CEP112: variants seen among roughly 807,000 people sequenced by gnomAD.
CEP112 encodes centrosomal protein of 112 kDa.
Under a neutral mutation model 153.0 loss-of-function variants are expected in CEP112, and 127 were observed. That is an observed-to-expected ratio of 0.83 (90% CI 0.72 to 0.96). The LOEUF (loss-of-function observed/expected upper bound fraction) is 0.96. Ranked by LOEUF, CEP112 falls within the 40% of genes least tolerant of loss-of-function variation. The pLI is 0.00. For synonymous variants in CEP112, 358 were observed against 374.4 expected (o/e 0.96, Z 0.51); for missense variants, 1,089 against 1,101.2 (o/e 0.99, Z 0.16).
intron 17 of CEP112, among the ~76,000 whole-genome samples, chr17:65,972,435 A>G (rs2062876170): frequency 6.6e-6 from 1 of 152,236 alleles, no homozygotes; most frequent in African/African-American, 2.4e-5. Flanking sequence ...TTTGTATTAG[A>G]AAATAATATA....
chr17:65,733,311 G>C lies in CEP112; in HGVS notation c.2607+9757C>G, dbSNP rs1405368282. Among the ~76,000 whole-genome samples the C allele has an allele frequency of 5.9e-5, 9 of 152,046 alleles. No individual in the cohort carries two copies. In the East Asian group the frequency reaches 1.7e-3, roughly 29 times the overall value. On this transcript the variant is annotated intron_variant, in intron 23 of 26. Transcript: ENST00000535342. ...CCAAAACAATGACAATAGTAACATC[G>C]AAGATCACTGATAACAGATCACCAT... is the stretch of plus-strand genomic sequence containing the variant.
intron 16 of CEP112, 92 bp from the exon 17 acceptor site, chr17:66,005,861 C>T (rs1250299927): frequency 1.9e-6 from 2 of 1,065,022 alleles, no homozygotes; most frequent in Non-Finnish European, 2.6e-6. Context: ...ATCACAAATC[C>T]ATTTTTAATA....
In CEP112 at chr17:65,728,361, T is replaced by A. The variant is rs981137733; in HGVS notation, c.2607+14707A>T. On this transcript the variant is annotated intron_variant, in intron 23 of 26. Transcript: ENST00000535342. ...ACAAAAGGGACTTTAAGAGAATAGATGGAAGAGTTGAATCATATACACATC... is the reference window on the plus strand; with the variant it reads ...ACAAAAGGGACTTTAAGAGAATAGAAGGAAGAGTTGAATCATATACACATC... Among the ~76,000 whole-genome samples, 7 of 152,150 alleles carry A rather than the reference T, an allele frequency of 4.6e-5. 1 individual carries two copies. The South Asian group carries it at 8.3e-4, about 18-fold the overall frequency.
At chr17:66,004,317 T>TA (rs993608716) in intron 17 of CEP112, among the ~76,000 whole-genome samples, 8 of 151,566 alleles carry the variant, frequency 5.3e-5, no homozygotes, top group Admixed American at 2.6e-4. Context: ...CAGTCTCTAC[T>TA]AAAAAAAATA....
chr17:65,644,343 TG>T, intron 24 of CEP112: 1 of 562,222 alleles, frequency 1.8e-6, no homozygotes, highest in Non-Finnish European at 3.2e-6. Context: ...TGAAGCCCAA[TG>T]GTGAGAAGCC....
intron 24 of CEP112, chr17:65,655,540 G>T: frequency 7.5e-6 from 4 of 534,198 alleles, no homozygotes; most frequent in Non-Finnish European, 1.3e-5. Context: ...GGAAAGTAAT[G>T]GATTTTCATT....
At chr17:65,725,089 G>A (rs1038732903) in intron 23 of CEP112, among the ~76,000 whole-genome samples, 2 of 152,100 alleles carry the variant, frequency 1.3e-5, no homozygotes, top group Non-Finnish European at 2.9e-5. Flanking sequence ...TACTTCAAGT[G>A]GTTTAATATG....
Position 65,682,039 on chromosome 17 carries a change from G to T in CEP112, c.2697+7090C>A, listed in dbSNP as rs563867727. On this transcript the variant is annotated intron_variant, in intron 24 of 26. Coordinates refer to ENST00000535342, the MANE Select transcript of CEP112 (RefSeq NM_001199165.4). Reference sequence around the variant, plus strand: ...GATGGAGTCTCACTCTGTCACACAGGCTGGAGTGCAGTGGTGTGATCTCAG... The same window carrying T: ...GATGGAGTCTCACTCTGTCACACAGTCTGGAGTGCAGTGGTGTGATCTCAG... 7.9e-4 allele frequency among the ~76,000 whole-genome samples: 120 copies of T among 151,900 alleles called. No individual in the cohort carries two copies. In the Middle Eastern group the frequency reaches 0.024, roughly 30 times the overall value.
chr17:65,780,875 A>G (rs2053957429), intron 21 of CEP112, among the ~76,000 whole-genome samples: 2 of 152,128 alleles, frequency 1.3e-5, no homozygotes, highest in African/African-American at 4.8e-5. Context: ...TAGGCATTAG[A>G]TGCCCCAATT....
intron 24 of CEP112, among the ~76,000 whole-genome samples, 167 bp from the exon 25 acceptor site, chr17:65,641,232 G>C (rs1043491086): frequency 1.3e-5 from 2 of 152,114 alleles, no homozygotes; most frequent in Admixed American, 6.5e-5. Context: ...AACTGAAAAG[G>C]CTACCCAGTC....
At chr17:65,842,144 G>GGAATACA (rs2057543093) in intron 21 of CEP112, among the ~76,000 whole-genome samples, 1 of 151,726 alleles carries the variant, frequency 6.6e-6, no homozygotes, top group South Asian at 2.1e-4. Flanking sequence ...TAACCTCTGA[G>GGAATACA]GAATACAGAA....
At chr17:65,818,692 A>G (rs1295748134) in intron 21 of CEP112, among the ~76,000 whole-genome samples, 1 of 152,030 alleles carries the variant, frequency 6.6e-6, no homozygotes, top group East Asian at 1.9e-4. Flanking sequence ...AAAATACTCT[A>G]TAACAGGGTT....
At chr17:66,131,590 A>C (rs563312093) in intron 5 of CEP112, among the ~76,000 whole-genome samples, 1 of 151,916 alleles carries the variant, frequency 6.6e-6, no homozygotes, top group African/African-American at 2.4e-5. Flanking sequence ...AAATACAAAA[A>C]ATTAGCCAGG....
intron 23 of CEP112, among the ~76,000 whole-genome samples, chr17:65,722,046 T>C (rs571724183): frequency 3.3e-5 from 5 of 152,194 alleles, no homozygotes; most frequent in African/African-American, 1.2e-4. Context: ...AAAGTAAAAG[T>C]AGTGTTTTCA....
intron 8 of CEP112, among the ~76,000 whole-genome samples, chr17:66,091,333 T>C (rs1440133975): frequency 2.6e-5 from 4 of 152,170 alleles, no homozygotes; most frequent in African/African-American, 9.6e-5. Flanking sequence ...ACTGAAATCA[T>C]ATCAAGTATC....
chr17:66,165,344 T>G (rs2071907882), intron 4 of CEP112, among the ~76,000 whole-genome samples: 1 of 152,200 alleles, frequency 6.6e-6, no homozygotes, highest in Non-Finnish European at 1.5e-5. Flanking sequence ...CGTTTACTGG[T>G]GGCGACTGTA....
rs2059167549 is a variant in CEP112 at position 65,883,666 on chromosome 17, CAGA to C, written c.2163+18483_2163+18485del. Among the ~76,000 whole-genome samples, 5 of 152,234 alleles carry C rather than the reference CAGA, an allele frequency of 3.3e-5. No homozygotes were observed. The South Asian group carries it at 1.0e-3, about 32-fold the overall frequency. Reference sequence around the variant, plus strand: ...ACAGGCGTGAGCCACCGTGCCCAGCCAGAAGTTTATATTTTACTCTAAGTGCAA... The same window carrying C: ...ACAGGCGTGAGCCACCGTGCCCAGCCAGTTTATATTTTACTCTAAGTGCAA... On this transcript the variant is annotated intron_variant, in intron 20 of 26. Coordinates refer to ENST00000535342, the MANE Select transcript of CEP112 (RefSeq NM_001199165.4).
At chr17:66,072,615 T>C (rs1446185411) in intron 8 of CEP112, among the ~76,000 whole-genome samples, 1 of 152,186 alleles carries the variant, frequency 6.6e-6, no homozygotes, top group Non-Finnish European at 1.5e-5. Flanking sequence ...CATTGCATCA[T>C]ATTAGAAGGA....
rs529429867 is a variant in CEP112 at position 66,096,309 on chromosome 17, A to G, written c.710T>C (p.Leu237Pro). Residue 237 changes from leucine to proline, a missense_variant, in exon 8 of 27, where the codon CTG becomes CCG. Leu to Pro is a moderately conservative substitution (Grantham distance 98). Coordinates refer to ENST00000535342, the MANE Select transcript of CEP112 (RefSeq NM_001199165.4). ...PVSLMTPKFS[L>P]RKSSSFHDDH... ...ATCATGGAAACTGCTGGATTTTCTCAGGCTGAATTTCGGTGTCATCTGCTA... is the reference window on the plus strand; with the variant it reads ...ATCATGGAAACTGCTGGATTTTCTCGGGCTGAATTTCGGTGTCATCTGCTA... 7 of 1,613,444 alleles carry G rather than the reference A, an allele frequency of 4.3e-6. No individual in the cohort carries two copies. The highest frequency in any genetic ancestry group is 1.7e-4 in the Middle Eastern group (1 of 6,058).
Sources: gnomAD v4.1 joint callset for allele counts (sites outside exome capture counted in the v4.1 genomes callset) on GRCh38, gnomAD v4.1.1 for gene constraint, MANE v1.5 for transcripts, NCBI Gene and HGNC (gene_info 2026-07-23, HGNC 2026-07-21) for gene names.